The following MACROD2 variants were observed in gnomAD, a reference collection of about 807,000 sequenced individuals.
MACROD2 encodes mono-ADP ribosylhydrolase 2, also known as ADP-ribose glycohydrolase MACROD2.
In MACROD2, 36 loss-of-function variants were observed where a neutral mutation model predicts 70.4. The ratio of observed to expected loss-of-function variants is 0.51; its 90% CI spans 0.39 to 0.68. MACROD2 has a LOEUF of 0.68. Ranked by LOEUF, MACROD2 falls within the 30% of genes least tolerant of loss-of-function variation. MACROD2 has a pLI of 0.00. For missense variants in MACROD2, 496 were observed against 538.4 expected (o/e 0.92, Z 0.78); for synonymous variants, 172 against 178.8 (o/e 0.96, Z 0.30).
chr20:14,475,486 T>G (rs1376536616), intron 3 of MACROD2, among the ~76,000 whole-genome samples: 6 of 152,192 alleles, frequency 3.9e-5, no homozygotes, highest in Admixed American at 3.9e-4. Flanking sequence ...TCAGATAGTT[T>G]CACACAGTAG....
chr20:15,480,990 T>A (rs6110624), intron 7 of MACROD2, among the ~76,000 whole-genome samples: 1 of 152,022 alleles, frequency 6.6e-6, no homozygotes, highest in Non-Finnish European at 1.5e-5. Context: ...AATTTCTGCA[T>A]TTAAAACATC....
At position 14,534,615 on chromosome 20, in the gene MACROD2, A is replaced by G. The variant is rs539320462; in HGVS notation, c.301+41107A>G. ...TATGTTTAGCATTTCAATGTGTAGC[A>G]TTTCAATTGAGCATCTACTTTGGAT... On this transcript the variant is annotated intron_variant, in intron 4 of 17. Coordinates refer to ENST00000684519, the MANE Select transcript of MACROD2 (RefSeq NM_001351661.2). Among the ~76,000 whole-genome samples, 4 of 152,364 alleles carry G rather than the reference A, an allele frequency of 2.6e-5. No homozygotes were observed. The South Asian group carries it at 8.3e-4, about 32-fold the overall frequency.
chr20:14,110,207 C>T (rs964872230), intron 3 of MACROD2, among the ~76,000 whole-genome samples: 5 of 151,748 alleles, frequency 3.3e-5, no homozygotes, highest in African/African-American at 1.2e-4. Context: ...TCTAAAAAAA[C>T]TCGGTATAGA....
chr20:14,227,073 A>G (rs2081744535), intron 3 of MACROD2, among the ~76,000 whole-genome samples: 1 of 152,174 alleles, frequency 6.6e-6, no homozygotes, highest in African/African-American at 2.4e-5. Context: ...CACACCAATC[A>G]GCACCCTGTG....
At position 15,799,933 on chromosome 20, in the gene MACROD2, T is replaced by G. The variant is rs376946976; in HGVS notation, c.646-62812T>G. On this transcript the variant is annotated intron_variant, in intron 8 of 17. Transcript: ENST00000684519. ...TTTTCTCTGCATCCTTGTCAACACT[T>G]TTTTTTCTTTTTCTTTTTTTCGTCT... Among the ~76,000 whole-genome samples the G allele has an allele frequency of 3.4e-3, 522 of 152,320 alleles. 6 individuals are homozygous for G. Among genetic ancestry groups the G allele is most frequent in the African/African-American group, 0.011 (442 of 41,570 alleles).
At chr20:14,892,503 A>T (rs1156585557) in intron 5 of MACROD2, among the ~76,000 whole-genome samples, 1 of 152,160 alleles carries the variant, frequency 6.6e-6, no homozygotes, top group Non-Finnish European at 1.5e-5. Context: ...ATATTAAAAG[A>T]TTGACATACC....
At chr20:15,027,556 G>C (rs936741314) in intron 5 of MACROD2, among the ~76,000 whole-genome samples, 11 of 120,028 alleles carry the variant, frequency 9.2e-5, no homozygotes, top group African/African-American at 2.9e-4. Flanking sequence ...GGTGGTGGTG[G>C]TGGGGGGAAA....
At chr20:15,153,104 A>T (rs2076282900) in intron 5 of MACROD2, among the ~76,000 whole-genome samples, 1 of 152,054 alleles carries the variant, frequency 6.6e-6, no homozygotes, top group Admixed American at 6.5e-5. Flanking sequence ...AGGACAGGGG[A>T]TTGATCTCCC....
At chr20:15,713,987 G>GCACACACGCGCA (rs1555868660) in intron 8 of MACROD2, among the ~76,000 whole-genome samples, 6 of 117,788 alleles carry the variant, frequency 5.1e-5, no homozygotes, top group Admixed American at 1.8e-4. Flanking sequence ...ACACACATAT[G>GCACACACGCGCA]CACACACACA....
intron 8 of MACROD2, among the ~76,000 whole-genome samples, chr20:15,662,688 T>C (rs1298589617): frequency 1.3e-5 from 2 of 151,106 alleles, no homozygotes; most frequent in African/African-American, 4.9e-5. Context: ...AGTCATGTTT[T>C]GTTTGGCTTG....
chr20:15,609,547 T>G (rs1568926631), intron 8 of MACROD2, among the ~76,000 whole-genome samples: 1 of 152,190 alleles, frequency 6.6e-6, no homozygotes, highest in Non-Finnish European at 1.5e-5. Flanking sequence ...GAATTCAGTT[T>G]CCAAACTGTC....
chr20:15,911,684 G>A (rs1038416432), intron 10 of MACROD2, among the ~76,000 whole-genome samples: 1 of 152,108 alleles, frequency 6.6e-6, no homozygotes, highest in Non-Finnish European at 1.5e-5. Context: ...CACCAGGGGA[G>A]GAAATAAAAG....
chr20:15,860,315 A>G (rs551544025), intron 8 of MACROD2, among the ~76,000 whole-genome samples: 2 of 152,352 alleles, frequency 1.3e-5, no homozygotes, highest in Admixed American at 1.3e-4. Context: ...GGAAATGTGT[A>G]GGAATGACAC....
intron 3 of MACROD2, among the ~76,000 whole-genome samples, chr20:14,229,155 A>G (rs2081776159): frequency 6.6e-6 from 1 of 152,234 alleles, no homozygotes; most frequent in South Asian, 2.1e-4. Context: ...AGGTGATCGT[A>G]GTTTGCTGAT....
chr20:15,028,269 C>A lies in MACROD2; in HGVS notation c.419-201671C>A, dbSNP rs146993746. On this transcript the variant is annotated intron_variant, in intron 5 of 17. Transcript: ENST00000684519. Reference sequence around the variant, plus strand: ...GGGGTGGACCTGGGCTCAGGATAGGCAAGTCCCCTTGATCCAAGGTATCAC... The same window carrying A: ...GGGGTGGACCTGGGCTCAGGATAGGAAAGTCCCCTTGATCCAAGGTATCAC... Among the ~76,000 whole-genome samples, 14 of 152,252 alleles carry A rather than the reference C, an allele frequency of 9.2e-5. No individual in the cohort carries two copies. The East Asian group carries it at 2.7e-3, about 29-fold the overall frequency.
intron 8 of MACROD2, among the ~76,000 whole-genome samples, chr20:15,640,085 AAAG>A (rs1274123761): frequency 6.6e-6 from 1 of 151,800 alleles, no homozygotes; most frequent in Non-Finnish European, 1.5e-5. Flanking sequence ...GTGAGAGAAA[AAAG>A]GAGATAAAAG....
chr20:15,996,380 C>A (rs1481446922), intron 15 of MACROD2, among the ~76,000 whole-genome samples: 1 of 152,036 alleles, frequency 6.6e-6, no homozygotes, highest in African/African-American at 2.4e-5. Context: ...GAAGTCTTCC[C>A]TTCTCTTCAG....
intron 3 of MACROD2, among the ~76,000 whole-genome samples, chr20:14,162,073 G>A (rs2055198792): frequency 1.3e-5 from 2 of 152,056 alleles, no homozygotes; most frequent in African/African-American, 4.8e-5. Flanking sequence ...GGTTTGATTT[G>A]TTGTGTTTTG....
rs2071215113 is a variant in MACROD2, at chr20:14,702,616, T to C, written c.418+17657T>C. On this transcript the variant is annotated intron_variant, in intron 5 of 17. Transcript: ENST00000684519. Reference sequence around the variant, plus strand: ...ATATATGTGTGTATATATATGTGTATATATATATACATATATATATGTATA... The same window carrying C: ...ATATATGTGTGTATATATATGTGTACATATATATACATATATATATGTATA... 3.3e-5 allele frequency among the ~76,000 whole-genome samples: 2 copies of C among 60,890 alleles called. 1 individual carries two copies. The highest frequency in any genetic ancestry group is 6.3e-5 in the Non-Finnish European group (2 of 31,744). The allele number at this position is 60,890 out of a possible 152,430, so 39.9% of individuals were successfully genotyped here. A position where few individuals can be genotyped will look rare whatever the true frequency, so the allele number is the denominator to read the frequency against.
Sources: gnomAD v4.1 joint callset for allele counts (sites outside exome capture counted in the v4.1 genomes callset) on GRCh38, gnomAD v4.1.1 for gene constraint, MANE v1.5 for transcripts, NCBI Gene and HGNC (gene_info 2026-07-23, HGNC 2026-07-21) for gene names.